Variants in LIMCH1 observed in about 807,000 individuals in gnomAD.
LIMCH1 encodes the protein LIM and calponin homology domains 1, also known as LIM and calponin homology domains-containing protein 1.
LIMCH1 carries 113 observed loss-of-function variants against 176.5 expected under a neutral mutation model. The ratio of observed to expected loss-of-function variants is 0.64; its 90% confidence interval spans 0.55 to 0.75. LIMCH1 has a LOEUF of 0.75. Among genes scored for constraint, LIMCH1 ranks in the 30% least tolerant of loss-of-function variants. The probability of loss-of-function intolerance (pLI) is 0.00; values close to 1 mark genes in which losing one functional copy is unlikely to be tolerated. For missense variants in LIMCH1, 1,674 were observed against 1,814.9 expected, an observed-to-expected ratio of 0.92 and a Z score of 1.41; for synonymous variants, 619 against 645.9, an observed-to-expected ratio of 0.96 and a Z score of 0.63.
intron 14 of LIMCH1, among the ~76,000 whole-genome samples, chr4:41,643,556 T>C (rs1468588139): frequency 6.6e-5 from 10 of 152,230 alleles, no homozygotes; most frequent in Non-Finnish European, 1.5e-4. Context: ...CAAAGGTTTA[T>C]GTAAGCATCA....
intron 1 of LIMCH1, among the ~76,000 whole-genome samples, chr4:41,381,986 C>T (rs566581619): frequency 6.3e-4 from 96 of 152,346 alleles, no homozygotes; most frequent in African/African-American, 2.2e-3. Context: ...TGTCTCCAGA[C>T]ATTGCCAGAT....
intron 18 of LIMCH1, among the ~76,000 whole-genome samples, chr4:41,659,338 T>C (rs997501110): frequency 4.6e-5 from 7 of 152,202 alleles, no homozygotes; most frequent in African/African-American, 1.7e-4. Context: ...GATACATGAC[T>C]ATCTGTCATT....
intron 3 of LIMCH1, 99 bp downstream of exon 3, chr4:41,604,004 GA>G: frequency 8.9e-7 from 1 of 1,120,120 alleles, no homozygotes; most frequent in South Asian, 1.4e-5. Context: ...AAAGTCCTTA[GA>G]AAAAAGTATA....
intron 3 of LIMCH1, chr4:41,604,317 AT>A: frequency 1.8e-6 from 1 of 568,876 alleles, no homozygotes; most frequent in Middle Eastern, 8.9e-4. Flanking sequence ...CCATGGGCCT[AT>A]ACTCTATGTA....
intron 2 of LIMCH1, among the ~76,000 whole-genome samples, chr4:41,515,440 A>G (rs1379782090): frequency 6.6e-6 from 1 of 152,216 alleles, no homozygotes; most frequent in African/African-American, 2.4e-5. Context: ...CAGGATTCTC[A>G]GGAGGAGAAG....
At chr4:41,500,475 T>C (rs2073074228) in intron 2 of LIMCH1, among the ~76,000 whole-genome samples, 1 of 152,238 alleles carries the variant, frequency 6.6e-6, no homozygotes, top group Admixed American at 6.5e-5. Context: ...AGGTAAGTGA[T>C]AATAGCAGGC....
At chr4:41,463,564 CTT>C (rs759313591) in intron 1 of LIMCH1, among the ~76,000 whole-genome samples, 12 of 141,554 alleles carry the variant, frequency 8.5e-5, no homozygotes, top group African/African-American at 1.0e-4. Context: ...TCTCCCAATC[CTT>C]TTTTTTTTTT....
intron 21 of LIMCH1, among the ~76,000 whole-genome samples, chr4:41,668,327 C>T (rs1265235504): frequency 1.3e-5 from 2 of 152,148 alleles, no homozygotes; most frequent in African/African-American, 2.4e-5. Flanking sequence ...TAAATTTGTC[C>T]GTCCTACTGT....
chr4:41,394,327 C>T (rs1164102547), intron 1 of LIMCH1, among the ~76,000 whole-genome samples: 1 of 152,060 alleles, frequency 6.6e-6, no homozygotes, highest in East Asian at 1.9e-4. Flanking sequence ...ACACTTAAAC[C>T]CTTCCAATGA....
At chr4:41,495,945 A>C (rs1363594422) in intron 2 of LIMCH1, among the ~76,000 whole-genome samples, 1 of 151,798 alleles carries the variant, frequency 6.6e-6, no homozygotes, top group Non-Finnish European at 1.5e-5. Flanking sequence ...ATCCCTCACC[A>C]CCTCTTTTCT....
intron 9 of LIMCH1, 44 bp from the exon 10 acceptor site, chr4:41,631,104 T>G: frequency 7.2e-7 from 1 of 1,396,142 alleles, no homozygotes; most frequent in Non-Finnish European, 9.4e-7. Context: ...CTCTTATTGA[T>G]TTGTACTCAG....
At chr4:41,569,970 A>G (rs2083308804) in intron 1 of LIMCH1, among the ~76,000 whole-genome samples, 1 of 152,226 alleles carries the variant, frequency 6.6e-6, no homozygotes, top group African/African-American at 2.4e-5. Flanking sequence ...GTAAATAGAT[A>G]AGACTAAATG....
intron 1 of LIMCH1, among the ~76,000 whole-genome samples, chr4:41,565,067 C>G (rs189588562): frequency 1.8e-3 from 275 of 152,238 alleles, no homozygotes; most frequent in African/African-American, 6.1e-3. Flanking sequence ...CAGACTGATA[C>G]ACCCAATTAA....
At chr4:41,546,978 A>G (rs568452596) in intron 1 of LIMCH1, among the ~76,000 whole-genome samples, 2 of 152,280 alleles carry the variant, frequency 1.3e-5, no homozygotes, top group African/African-American at 2.4e-5. Context: ...TTTTCTTTGC[A>G]TCTTCTTCTT....
rs146875012 is a variant in LIMCH1, at chr4:41,406,312, A to G, written c.96+45376A>G. Among the ~76,000 whole-genome samples the G allele has an allele frequency of 2.2e-3, 329 of 152,344 alleles. 1 individual carries two copies. The highest frequency in any genetic ancestry group is 6.6e-3 in the African/African-American group (274 of 41,590). On this transcript the variant is annotated intron_variant, in intron 1 of 26. Coordinates refer to the LIMCH1 transcript ENST00000313860. ...TACTTTTAGAATTTGGGTATGTTTT[A>G]TGGTAGCTCTTTTAGTTGATTGCTT...
At chr4:41,536,161 T>A (rs2077920272), upstream of LIMCH1, among the ~76,000 whole-genome samples, 1 of 152,210 alleles carries the variant, frequency 6.6e-6, no homozygotes, top group Admixed American at 6.5e-5. Flanking sequence ...AACTAATTCT[T>A]AGCATGTATT....
chr4:41,624,060 G>T (rs898378272), intron 7 of LIMCH1, among the ~76,000 whole-genome samples: 1 of 152,122 alleles, frequency 6.6e-6, no homozygotes, highest in African/African-American at 2.4e-5. Flanking sequence ...GTTTTTAAGA[G>T]GATAAAATAA....
In LIMCH1 at chr4:41,619,250, G is replaced by A; in HGVS notation, c.268G>A (p.Asp90Asn). Residue 90 changes from aspartate to asparagine, a missense_variant, in exon 6 of 32, where the codon GAC becomes AAC. Asp to Asn is a conservative substitution (Grantham distance 23, BLOSUM62 1). This residue lies in a region of LIMCH1 where 655 missense variants were observed against 692.2 expected (regional missense o/e 0.95). Coordinates refer to ENST00000503057, the MANE Select transcript of LIMCH1 (RefSeq NM_001330672.2). ...GAAGCTGCCAGATGTGAAGAAGGAT[G>A]ACATGTCTGCACGGCGGACTTCCCA... is the stretch of plus-strand genomic sequence containing the variant. Reference protein sequence around the residue: ...HRKLPDVKKDDMSARRTSHGE... With the variant: ...HRKLPDVKKDNMSARRTSHGE... 6.2e-7 allele frequency: 1 copy of A among 1,614,214 alleles called. No individual in the cohort carries two copies. Among genetic ancestry groups the A allele is most frequent in the South Asian group, 1.1e-5 (1 of 91,082 alleles).
chr4:41,577,626 C>T (rs1259278383), intron 1 of LIMCH1, among the ~76,000 whole-genome samples: 1 of 151,994 alleles, frequency 6.6e-6, no homozygotes, highest in Non-Finnish European at 1.5e-5. Context: ...GATGGGGTCA[C>T]CCTATGTTGC....
Sources: gnomAD v4.1 joint callset for allele counts (sites outside exome capture counted in the v4.1 genomes callset) on GRCh38, gnomAD v4.1.1 for gene constraint, gnomAD v4.1.1 regional missense constraint, MANE v1.5 for transcripts, NCBI Gene and HGNC (gene_info 2026-07-23, HGNC 2026-07-21) for gene names.